Variants in CAB39 observed in about 807,000 individuals in gnomAD.
The protein encoded by CAB39 is calcium binding protein 39.
In CAB39, 8 loss-of-function variants were observed where a neutral mutation model predicts 40.0. The observed-to-expected ratio is 0.20, with a 90% confidence interval of 0.12 to 0.36. The LOEUF (loss-of-function observed/expected upper bound fraction) is 0.36, where lower values mean the gene tolerates loss of function less well. CAB39 is among the 10% of genes least tolerant of loss of function. CAB39 has a pLI of 1.00. For missense variants in CAB39, 270 were observed against 401.1 expected, an observed-to-expected ratio of 0.67 and a Z score of 2.79; for synonymous variants, 156 against 141.6, an observed-to-expected ratio of 1.10 and a Z score of -0.72.
chr2:230,786,215 G>A (rs1695791530), intron 2 of CAB39, among the ~76,000 whole-genome samples: 1 of 149,420 alleles, frequency 6.7e-6, no homozygotes, highest in Admixed American at 6.7e-5. Flanking sequence ...ATGTTGCCCA[G>A]GCTGGTCTCA....
At chr2:230,774,286 TTGTTA>T (rs1695546611) in intron 2 of CAB39, among the ~76,000 whole-genome samples, 1 of 152,200 alleles carries the variant, frequency 6.6e-6, no homozygotes, top group African/African-American at 2.4e-5. Context: ...ATTCCTTTAT[TTGTTA>T]TATGTTGGTA....
intron 7 of CAB39, 82 bp downstream of exon 7, chr2:230,814,196 A>G (rs551925526): frequency 2.3e-5 from 17 of 733,402 alleles, no homozygotes; most frequent in East Asian, 1.1e-4. Context: ...GATGTGCAGG[A>G]TGGGTCATAG....
intron 1 of CAB39, 108 bp downstream of exon 1, chr2:230,713,338 G>T (rs1694285235): frequency 6.6e-6 from 1 of 152,282 alleles, no homozygotes; most frequent in South Asian, 2.1e-4. Context: ...TTCCTGGGTG[G>T]CGGCGGCCCC....
intron 2 of CAB39, among the ~76,000 whole-genome samples, chr2:230,767,955 T>C (rs1695416516): frequency 6.6e-6 from 1 of 152,204 alleles, no homozygotes. Context: ...AATGCAACCC[T>C]ACCGTGTGGC....
In CAB39 at chr2:230,768,334, G is replaced by A. The variant is rs372135235; in HGVS notation, c.114+8219G>A. Among the ~76,000 whole-genome samples, 110 of 152,340 alleles carry A rather than the reference G, an allele frequency of 7.2e-4. No individual in the cohort carries two copies. The Middle Eastern group carries it at 0.01, about 14-fold the overall frequency. ...GTGCTACTGCCCACAGTAGTAGTAA[G>A]ATAAATGTCCTTTCTCAAGAGATAT... On this transcript the variant is annotated intron_variant, in intron 2 of 8. Coordinates refer to ENST00000258418, the MANE Select transcript of CAB39 (RefSeq NM_016289.4).
intron 2 of CAB39, among the ~76,000 whole-genome samples, chr2:230,787,364 G>A (rs909639079): frequency 4.6e-5 from 7 of 152,152 alleles, no homozygotes; most frequent in African/African-American, 1.7e-4. Context: ...GGTCATGGGA[G>A]ACATACATAT....
intron 1 of CAB39, among the ~76,000 whole-genome samples, chr2:230,721,090 T>C (rs1274307107): frequency 1.3e-5 from 2 of 152,330 alleles, no homozygotes; most frequent in South Asian, 2.1e-4. Context: ...AGTATAATAA[T>C]ACGTTCTTTC....
chr2:230,795,276 C>A (rs74463520), intron 4 of CAB39, among the ~76,000 whole-genome samples: 62 of 142,014 alleles, frequency 4.4e-4, no homozygotes, highest in African/African-American at 5.1e-4. Flanking sequence ...ACTTGATTTC[C>A]AAAAAAAAAA....
chr2:230,728,502 T>C (rs1340688827), intron 1 of CAB39, among the ~76,000 whole-genome samples: 1 of 152,106 alleles, frequency 6.6e-6, no homozygotes. Flanking sequence ...TGTTTTGCCA[T>C]GTTGTCCAGG....
At chr2:230,799,098 T>C (rs1559614826) in intron 5 of CAB39, 1 of 474,040 alleles carries the variant, frequency 2.1e-6, no homozygotes, top group East Asian at 3.2e-5. Context: ...TTCTAAAGTC[T>C]ATCTAAAAGA....
chr2:230,817,274 AGGGTACAC>A (rs1178464804), intron 7 of CAB39, among the ~76,000 whole-genome samples: 2 of 152,214 alleles, frequency 1.3e-5, no homozygotes, highest in African/African-American at 2.4e-5. Context: ...TGGCATGTGC[AGGGTACAC>A]AAATGGAAAA....
At chr2:230,789,370 A>G (rs1695852648) in intron 2 of CAB39, among the ~76,000 whole-genome samples, 1 of 152,130 alleles carries the variant, frequency 6.6e-6, no homozygotes, top group Non-Finnish European at 1.5e-5. Flanking sequence ...CCATTTCCAC[A>G]GCTGTTTCTG....
At chr2:230,800,733 A>G (rs1010129681) in intron 5 of CAB39, among the ~76,000 whole-genome samples, 1 of 151,984 alleles carries the variant, frequency 6.6e-6, no homozygotes, top group African/African-American at 2.4e-5. Context: ...AAGACCCCTG[A>G]CCCCGTCAGG....
chr2:230,818,544 A>T lies in CAB39; in HGVS notation c.866A>T (p.Gln289Leu). 6.2e-7 allele frequency: 1 copy of T among 1,614,108 alleles called. No homozygotes were observed. Among genetic ancestry groups the T allele is most frequent in the Non-Finnish European group, 8.5e-7 (1 of 1,180,012 alleles). ...KVFVANPNKT[Q>L]PILDILLKNQ... ...TTTGTAGCCAATCCTAACAAGACGCAGCCCATCCTAGACATCCTCCTCAAG... is the reference window on the plus strand; with the variant it reads ...TTTGTAGCCAATCCTAACAAGACGCTGCCCATCCTAGACATCCTCCTCAAG... Residue 289 changes from glutamine (Q) to leucine (L), a missense_variant, in exon 9 of 9, where the codon CAG becomes CTG. Physicochemically the swap from Gln to Leu is moderately radical, Grantham distance 113. Transcript: ENST00000258418.
chr2:230,724,427 A>G (rs1162094104), intron 1 of CAB39, among the ~76,000 whole-genome samples: 2 of 152,010 alleles, frequency 1.3e-5, no homozygotes, highest in Non-Finnish European at 2.9e-5. Context: ...CGCCCCTGTA[A>G]TCCCAGCACT....
At chr2:230,757,800 T>C (rs1361812750) in intron 1 of CAB39, among the ~76,000 whole-genome samples, 2 of 152,044 alleles carry the variant, frequency 1.3e-5, no homozygotes, top group East Asian at 3.9e-4. Context: ...AGAAGCAACT[T>C]GCATGCTTCC....
intron 1 of CAB39, among the ~76,000 whole-genome samples, chr2:230,731,992 A>C (rs973648785): frequency 1.3e-5 from 2 of 152,178 alleles, no homozygotes; most frequent in African/African-American, 4.8e-5. Flanking sequence ...GAGTATCCTA[A>C]ATCTACAGAA....
intron 2 of CAB39, among the ~76,000 whole-genome samples, chr2:230,767,326 A>AG (rs894959439): frequency 2.0e-4 from 31 of 152,226 alleles, no homozygotes; most frequent in African/African-American, 7.5e-4. Flanking sequence ...CTTTATCTGG[A>AG]GAAAAAAAAA....
chr2:230,811,223 A>G (rs1343486254), intron 6 of CAB39, among the ~76,000 whole-genome samples: 1 of 152,176 alleles, frequency 6.6e-6, no homozygotes, highest in Non-Finnish European at 1.5e-5. Flanking sequence ...AGTATTATTA[A>G]TACTTCATTA....
Sources: gnomAD v4.1 joint callset for allele counts (sites outside exome capture counted in the v4.1 genomes callset) on GRCh38, gnomAD v4.1.1 for gene constraint, MANE v1.5 for transcripts, NCBI Gene and HGNC (gene_info 2026-07-23, HGNC 2026-07-21) for gene names.